Variants in INPP5A observed in about 807,000 individuals in gnomAD.
INPP5A encodes inositol polyphosphate-5-phosphatase A.
In INPP5A, 14 loss-of-function variants were observed where a neutral mutation model predicts 65.2. The observed-to-expected ratio is 0.21, with a 90% CI of 0.14 to 0.34. The LOEUF (loss-of-function observed/expected upper bound fraction) is 0.34, where lower values mean the gene tolerates loss of function less well. INPP5A is among the 10% of genes least tolerant of loss of function. The pLI is 1.00. For missense variants in INPP5A, 431 were observed against 545.6 expected (o/e 0.79, Z 2.09); for synonymous variants, 207 against 208.3 (o/e 0.99, Z 0.05).
chr10:132,756,449 G>A (rs550959858), intron 11 of INPP5A, among the ~76,000 whole-genome samples: 2 of 147,546 alleles, frequency 1.4e-5, no homozygotes, highest in East Asian at 2.0e-4. Flanking sequence ...ACATAATGTC[G>A]TTTCAGTCAA....
intron 2 of INPP5A, among the ~76,000 whole-genome samples, chr10:132,636,088 T>C (rs1590884575): frequency 6.6e-6 from 1 of 152,064 alleles, no homozygotes; most frequent in South Asian, 2.1e-4. Flanking sequence ...CTATATGGCA[T>C]GTATTCCATC....
At chr10:132,598,575 T>G (rs1487628836) in intron 1 of INPP5A, among the ~76,000 whole-genome samples, 1 of 152,240 alleles carries the variant, frequency 6.6e-6, no homozygotes, top group Non-Finnish European at 1.5e-5. Context: ...CCCTTCCTTT[T>G]TAAGGCTGAG....
At chr10:132,654,811 C>G (rs921252066) in intron 4 of INPP5A, among the ~76,000 whole-genome samples, 4 of 152,232 alleles carry the variant, frequency 2.6e-5, no homozygotes, top group Non-Finnish European at 1.5e-5. Flanking sequence ...GGCGATTGAA[C>G]CTGAAGCTGC....
intron 4 of INPP5A, among the ~76,000 whole-genome samples, chr10:132,672,539 A>G (rs1004874790): frequency 2.6e-5 from 4 of 152,192 alleles, no homozygotes; most frequent in African/African-American, 9.7e-5. Context: ...GCTTCCATCC[A>G]TATAAGATGT....
intron 1 of INPP5A, among the ~76,000 whole-genome samples, chr10:132,572,558 T>C (rs1436832486): frequency 2.0e-5 from 3 of 152,048 alleles, no homozygotes. Flanking sequence ...TGAAGCAGCG[T>C]GACCCAGGGC....
rs2133433590 is a variant in INPP5A at position 132,670,128 on chromosome 10, C to T, written c.306+19623C>T. ...TCCTGAAACCCACACCCTCAGCCTC[C>T]ACCCCCAAGACCCTACACCCTCTGA... On this transcript the variant is annotated intron_variant, in intron 4 of 15. Coordinates refer to ENST00000368594, the MANE Select transcript of INPP5A (RefSeq NM_005539.5). 1.3e-5 allele frequency among the ~76,000 whole-genome samples: 2 copies of T among 148,888 alleles called. 1 individual carries two copies. Among genetic ancestry groups the T allele is most frequent in the South Asian group, 4.3e-4 (2 of 4,628 alleles).
chr10:132,715,202 G>C (rs1845719326), intron 8 of INPP5A, among the ~76,000 whole-genome samples: 1 of 152,246 alleles, frequency 6.6e-6, no homozygotes, highest in African/African-American at 2.4e-5. Flanking sequence ...TGAGCTTTCA[G>C]CTGGAAAGGA....
Position 132,780,867 on chromosome 10 carries a change from G to C in INPP5A, c.1108G>C (p.Val370Leu), listed in dbSNP as rs1239445084. ...LVLRSESEEK[V>L]VTYDHIGPNV... ...TTTCCAGTCGGAGAGCGAGGAGAAG[G>C]TTGTCACCTATGACCACATTGGGCC... Residue 370 changes from valine to leucine, a missense_variant, in exon 14 of 16, where the codon GTT (valine) becomes CTT (leucine). By Grantham distance (32) the Val-to-Leu change is conservative. Transcript: ENST00000368594. 1.2e-6 allele frequency: 2 copies of C among 1,612,258 alleles called. No homozygotes were observed. The highest frequency in any genetic ancestry group is 2.2e-5 in the South Asian group (2 of 91,072).
At chr10:132,670,730 C>A (rs910133418) in intron 4 of INPP5A, among the ~76,000 whole-genome samples, 2 of 152,028 alleles carry the variant, frequency 1.3e-5, no homozygotes, top group Non-Finnish European at 2.9e-5. Flanking sequence ...GCCGGGTCAC[C>A]CCTGTGAGCA....
intron 1 of INPP5A, among the ~76,000 whole-genome samples, chr10:132,565,936 T>C (rs1189181333): frequency 6.6e-6 from 1 of 152,046 alleles, no homozygotes; most frequent in East Asian, 1.9e-4. Context: ...CAGTGGAGTC[T>C]TGCAGGAGTG....
chr10:132,691,861 G>A (rs979948283), intron 5 of INPP5A, among the ~76,000 whole-genome samples: 15 of 151,412 alleles, frequency 9.9e-5, no homozygotes, highest in Non-Finnish European at 1.8e-4. Flanking sequence ...CGCGGGAGAC[G>A]TGTGGTCGCG....
At chr10:132,728,284 C>G (rs915267498) in intron 9 of INPP5A, among the ~76,000 whole-genome samples, 1 of 152,258 alleles carries the variant, frequency 6.6e-6, no homozygotes. Context: ...CCCCGAAGTC[C>G]TTTCCATCCC....
chr10:132,562,939 C>G (rs1465737926), intron 1 of INPP5A, among the ~76,000 whole-genome samples: 1 of 152,202 alleles, frequency 6.6e-6, no homozygotes, highest in Non-Finnish European at 1.5e-5. Context: ...TGCCCCCTTC[C>G]CTGTATGCTC....
intron 8 of INPP5A, among the ~76,000 whole-genome samples, chr10:132,723,727 T>C (rs2134573881): frequency 6.6e-6 from 1 of 152,196 alleles, no homozygotes; most frequent in East Asian, 1.9e-4. Flanking sequence ...TGGTCTCGCC[T>C]ACACCTGGGC....
intron 2 of INPP5A, among the ~76,000 whole-genome samples, chr10:132,618,658 G>A (rs751770931): frequency 1.4e-4 from 22 of 152,048 alleles, no homozygotes; most frequent in Non-Finnish European, 1.5e-4. Context: ...GGTTTAATTC[G>A]CTCACGGTTC....
At position 132,602,064 on chromosome 10, in the gene INPP5A, A is replaced by G. The variant is rs1045134002; in HGVS notation, c.76-5851A>G. ...GAATCTGCAGGTTTCTTTGGGTAGC[A>G]TCAGCATCTTAATAACGTTAACTCC... On this transcript the variant is annotated intron_variant, in intron 1 of 15. Coordinates refer to ENST00000368594, the MANE Select transcript of INPP5A (RefSeq NM_005539.5). Among the ~76,000 whole-genome samples, 4 of 152,364 alleles carry G rather than the reference A, an allele frequency of 2.6e-5. No individual in the cohort carries two copies. In the East Asian group the frequency reaches 7.7e-4, roughly 29 times the overall value.
At position 132,558,727 on chromosome 10, in the gene INPP5A, G is replaced by A. The variant is rs73395349; in HGVS notation, c.75+20556G>A. ...GTGCTAGCCTAGCCTCGCTGCCATC[G>A]CATGCAGTTGACCAGCTTCTTGACA... On this transcript the variant is annotated intron_variant, in intron 1 of 15. Transcript: ENST00000368594. Among the ~76,000 whole-genome samples the A allele has an allele frequency of 2.9e-3, 440 of 152,362 alleles. 1 individual carries two copies. The highest frequency in any genetic ancestry group is 0.01 in the African/African-American group (418 of 41,588).
intron 9 of INPP5A, among the ~76,000 whole-genome samples, chr10:132,736,017 A>G (rs1161186815): frequency 6.6e-6 from 1 of 152,248 alleles, no homozygotes; most frequent in Admixed American, 6.5e-5. Flanking sequence ...CCTGTGTTTC[A>G]GATGCAGATT....
chr10:132,735,089 T>A (rs561222199), intron 9 of INPP5A, among the ~76,000 whole-genome samples: 1 of 152,264 alleles, frequency 6.6e-6, no homozygotes, highest in Admixed American at 6.5e-5. Flanking sequence ...AGCCTTTCTG[T>A]CAAACAGCAG....
Sources: gnomAD v4.1 joint callset for allele counts (sites outside exome capture counted in the v4.1 genomes callset) on GRCh38, gnomAD v4.1.1 for gene constraint, MANE v1.5 for transcripts, NCBI Gene and HGNC (gene_info 2026-07-23, HGNC 2026-07-21) for gene names.